TEX26: variants seen among roughly 807,000 people sequenced by gnomAD.
TEX26 encodes the protein testis expressed 26, also known as testis-expressed protein 26.
Under a neutral mutation model 35.3 loss-of-function variants are expected in TEX26, and 34 were observed. That is an observed-to-expected ratio of 0.96 (90% CI 0.73 to 1.28). The LOEUF is 1.28. TEX26 is among the 50% of genes most tolerant of loss of function. The pLI, the probability that TEX26 is intolerant of heterozygous loss-of-function variation, is 0.00. For synonymous variants in TEX26, 136 were observed against 111.8 expected (o/e 1.22, Z -1.36); for missense variants, 371 against 330.1 (o/e 1.12, Z -0.96).
chr13:30,974,728 A>T, intron 6 of TEX26, 118 bp from the exon 7 acceptor site: 1 of 1,033,984 alleles, frequency 9.7e-7, no homozygotes, highest in African/African-American at 1.7e-5. Flanking sequence ...TTTTGGTCTT[A>T]CCAAATTTGT....
chr13:30,969,119 G>A (rs1954636445), intron 6 of TEX26, 73 bp downstream of exon 6: 1 of 1,325,720 alleles, frequency 7.5e-7, no homozygotes, highest in African/African-American at 1.5e-5. Flanking sequence ...ACTGTTCCAA[G>A]TTCTAGCCAC....
chr13:30,974,131 A>AAAAAATATATATAT, intron 6 of TEX26, among the ~76,000 whole-genome samples: 7 of 84,416 alleles, frequency 8.3e-5, no homozygotes, highest in Admixed American at 1.6e-4. Context: ...AAAAAAAAAA[A>AAAAAATATATATAT]ATATATATAT....
intron 2 of TEX26, among the ~76,000 whole-genome samples, chr13:30,944,807 T>C (rs565502031): frequency 1.3e-5 from 2 of 152,114 alleles, no homozygotes; most frequent in South Asian, 4.1e-4. Flanking sequence ...TCTGAGAAGA[T>C]ACCTGACATG....
intron 1 of TEX26, among the ~76,000 whole-genome samples, chr13:30,935,540 C>G (rs1384145244): frequency 6.6e-6 from 1 of 152,232 alleles, no homozygotes; most frequent in African/African-American, 2.4e-5. Flanking sequence ...GGAGTATGCT[C>G]TCTGCTGATA....
At chr13:30,933,147 C>A (rs61947588) in intron 1 of TEX26, 3,295 of 175,952 alleles carry the variant, frequency 0.019, 57 homozygotes, top group African/African-American at 0.043. Flanking sequence ...CAGGTCCTGC[C>A]TGAGTCCCGA....
At chr13:30,936,467 T>C (rs908300635) in intron 1 of TEX26, among the ~76,000 whole-genome samples, 2 of 152,206 alleles carry the variant, frequency 1.3e-5, no homozygotes, top group African/African-American at 4.8e-5. Flanking sequence ...CTTTCAAACA[T>C]CTACTAAATT....
Position 30,950,040 on chromosome 13 carries a change from A to C in TEX26, c.147-2620A>C, listed in dbSNP as rs527263952. Reference sequence around the variant, plus strand: ...AATTTAAATACTTTATTGAATGATTAATACAAAATCTGAAAAAAATACAAG... The same window carrying C: ...AATTTAAATACTTTATTGAATGATTCATACAAAATCTGAAAAAAATACAAG... On this transcript the variant is annotated intron_variant, in intron 2 of 6. Transcript: ENST00000380473. 1.4e-4 allele frequency among the ~76,000 whole-genome samples: 21 copies of C among 152,360 alleles called. No individual in the cohort carries two copies. In the East Asian group the frequency reaches 4.0e-3, roughly 29 times the overall value.
intron 3 of TEX26, among the ~76,000 whole-genome samples, chr13:30,954,825 A>G (rs953794910): frequency 2.0e-5 from 3 of 152,238 alleles, no homozygotes; most frequent in Non-Finnish European, 2.9e-5. Flanking sequence ...ATACAATATT[A>G]TACTGTATTT....
chr13:30,953,211 C>A (rs1468194236), intron 3 of TEX26, among the ~76,000 whole-genome samples: 1 of 152,172 alleles, frequency 6.6e-6, no homozygotes, highest in Non-Finnish European at 1.5e-5. Flanking sequence ...CCCGACTCCA[C>A]TCCCCACCGT....
chr13:30,932,839 C>G, intron 1 of TEX26, 63 bp downstream of exon 1: 11 of 1,567,740 alleles, frequency 7.0e-6, no homozygotes, highest in Non-Finnish European at 9.5e-6. Flanking sequence ...GGAAAGGGTC[C>G]TGTTGAGAAA....
intron 1 of TEX26, among the ~76,000 whole-genome samples, chr13:30,938,913 T>G (rs1039723818): frequency 3.3e-5 from 5 of 152,306 alleles, no homozygotes; most frequent in Non-Finnish European, 7.4e-5. Context: ...CCAAGTCTAC[T>G]CCCTCCTTCA....
intron 5 of TEX26, among the ~76,000 whole-genome samples, chr13:30,967,967 T>A (rs1339323186): frequency 6.6e-6 from 1 of 152,180 alleles, no homozygotes; most frequent in Non-Finnish European, 1.5e-5. Flanking sequence ...ATCCCAAATG[T>A]GCACAGGAGA....
At chr13:30,934,376 G>A (rs950459577) in intron 1 of TEX26, among the ~76,000 whole-genome samples, 1 of 152,236 alleles carries the variant, frequency 6.6e-6, no homozygotes, top group Non-Finnish European at 1.5e-5. Flanking sequence ...GAGGTTGATG[G>A]TGACTGATGA....
At chr13:30,972,457 T>C (rs774917119) in intron 6 of TEX26, among the ~76,000 whole-genome samples, 1 of 152,220 alleles carries the variant, frequency 6.6e-6, no homozygotes, top group Non-Finnish European at 1.5e-5. Context: ...TTTTTTCTTA[T>C]TTTAATATAA....
intron 5 of TEX26, among the ~76,000 whole-genome samples, chr13:30,968,238 C>T (rs1237667211): frequency 6.6e-6 from 1 of 152,126 alleles, no homozygotes; most frequent in Non-Finnish European, 1.5e-5. Flanking sequence ...AAAGAGCTGG[C>T]TAAACAGGTT....
intron 2 of TEX26, among the ~76,000 whole-genome samples, chr13:30,941,889 C>CT (rs1953527521): frequency 6.6e-6 from 1 of 152,082 alleles, no homozygotes; most frequent in Admixed American, 6.5e-5. Flanking sequence ...ATACACACCA[C>CT]TTTTTTTAAA....
At chr13:30,957,119 C>G in intron 4 of TEX26, 90 bp downstream of exon 4, 1 of 1,355,808 alleles carries the variant, frequency 7.4e-7, no homozygotes, top group South Asian at 1.4e-5. Flanking sequence ...TCTTCTCCTT[C>G]AAGGAACTTG....
intron 4 of TEX26, among the ~76,000 whole-genome samples, chr13:30,962,864 C>A (rs1029278314): frequency 1.4e-4 from 21 of 151,940 alleles, no homozygotes; most frequent in Admixed American, 1.2e-3. Flanking sequence ...ACTCTGTCAC[C>A]CAGGCTGGAG....
intron 4 of TEX26, among the ~76,000 whole-genome samples, chr13:30,965,078 G>T (rs1292239551): frequency 2.6e-5 from 4 of 152,144 alleles, no homozygotes; most frequent in African/African-American, 9.7e-5. Context: ...AGCCCCACAA[G>T]TTCCTCCCCT....
Sources: gnomAD v4.1 joint callset for allele counts (sites outside exome capture counted in the v4.1 genomes callset) on GRCh38, gnomAD v4.1.1 for gene constraint, MANE v1.5 for transcripts, NCBI Gene and HGNC (gene_info 2026-07-23, HGNC 2026-07-21) for gene names.